Variants in TRIM33 observed in about 807,000 individuals in gnomAD.
The protein encoded by TRIM33 is tripartite motif containing 33.
Under a neutral mutation model 125.4 loss-of-function variants are expected in TRIM33, and 20 were observed. The ratio of observed to expected loss-of-function variants is 0.16; its 90% confidence interval spans 0.11 to 0.23. The LOEUF is 0.23. Ranked by LOEUF, TRIM33 falls within the 10% of genes least tolerant of loss-of-function variation. The pLI is 1.00. For synonymous variants in TRIM33, 564 were observed against 513.9 expected (o/e 1.10, Z -1.32); for missense variants, 920 against 1,411.4 (o/e 0.65, Z 5.58).
At chr1:114,404,626 A>G (rs1295415786) in intron 15 of TRIM33, 1 of 152,178 alleles carries the variant, frequency 6.6e-6, no homozygotes, top group East Asian at 1.9e-4. Flanking sequence ...GAAGGCCCTT[A>G]TTACATCTCT....
At chr1:114,455,624 G>T (rs1261786753) in intron 4 of TRIM33, among the ~76,000 whole-genome samples, 2 of 152,198 alleles carry the variant, frequency 1.3e-5, no homozygotes, top group African/African-American at 4.8e-5. Flanking sequence ...ACAGATGGTT[G>T]TTTTAAAATG....
chr1:114,407,234 T>A lies in TRIM33; in HGVS notation c.2259-134A>T. ...CTTTACAGAAGATAAGGATACCTCA[T>A]AATGTAGTTAAGGGGAATGTGGTAT... On this transcript the variant is annotated intron_variant, in intron 13 of 19. Transcript: ENST00000358465. The A allele has an allele frequency of 5.5e-6, 4 of 733,562 alleles. No homozygotes were observed. In the South Asian group the frequency reaches 8.4e-5, roughly 15 times the overall value. The allele number at this position is 733,562 out of a possible 1,614,324, so 45.4% of individuals were successfully genotyped here.
chr1:114,398,926 CAAAACAA>C (rs1237063856), intron 18 of TRIM33, among the ~76,000 whole-genome samples: 1 of 119,360 alleles, frequency 8.4e-6, no homozygotes, highest in Non-Finnish European at 1.8e-5. Flanking sequence ...CAAAACAAAA[CAAAACAA>C]AAAACAAAAA....
At chr1:114,412,272 T>C (rs1464937938) in intron 11 of TRIM33, among the ~76,000 whole-genome samples, 1 of 152,228 alleles carries the variant, frequency 6.6e-6, no homozygotes, top group Non-Finnish European at 1.5e-5. Flanking sequence ...GCCCAGTAAT[T>C]ACACTTCTAC....
chr1:114,473,443 C>T (rs1650778006), intron 1 of TRIM33, among the ~76,000 whole-genome samples: 1 of 152,032 alleles, frequency 6.6e-6, no homozygotes, highest in Non-Finnish European at 1.5e-5. Flanking sequence ...TTAGACCACA[C>T]AGGCTAAACT....
Position 114,430,842 on chromosome 1 carries a change from T to C in TRIM33, c.1111A>G (p.Asn371Asp). 6.2e-7 allele frequency: 1 copy of C among 1,609,890 alleles called. No individual in the cohort carries two copies. Among genetic ancestry groups the C allele is most frequent in the Non-Finnish European group, 8.5e-7 (1 of 1,176,354 alleles). Residue 371 changes from asparagine to aspartate, a missense_variant, in exon 6 of 20, where the codon AAT becomes GAT. By Grantham distance (23) the Asn-to-Asp change is conservative. Transcript: ENST00000358465. ...GATTTTCCTTTCTTATTAATTTCAT[T>C]GATAAGGGTGAAAATGGCCACTTTA... ...EIKVAIFTLI[N>D]EINKKGKSLL...
At chr1:114,414,577 C>CA (rs1652810394) in intron 11 of TRIM33, among the ~76,000 whole-genome samples, 1 of 152,200 alleles carries the variant, frequency 6.6e-6, no homozygotes, top group African/African-American at 2.4e-5. Context: ...CTTTAACAAT[C>CA]CACTAAGTTT....
chr1:114,426,523 A>T (rs6691089), intron 8 of TRIM33, among the ~76,000 whole-genome samples: 42,138 of 132,866 alleles, frequency 0.32, 6,242 homozygotes, highest in African/African-American at 0.42. Flanking sequence ...TTTTTTTTTT[A>T]AAAAAAAAGG....
intron 10 of TRIM33, 65 bp from the exon 11 acceptor site, chr1:114,421,701 T>C: frequency 6.7e-7 from 1 of 1,501,920 alleles, no homozygotes; most frequent in Non-Finnish European, 9.2e-7. Flanking sequence ...AACTATACCT[T>C]TATAATTTTT....
In TRIM33 at chr1:114,427,085, A is replaced by G. The variant is rs565888340; in HGVS notation, c.1420+92T>C. The G allele has an allele frequency of 6.9e-5, 42 of 607,432 alleles. 1 individual carries two copies. The East Asian group carries it at 8.0e-4, about 12-fold the overall frequency. 37.6% of individuals were successfully genotyped at this position (607,432 alleles called of 1,614,324 possible). A position where few individuals can be genotyped will look rare whatever the true frequency, so the allele number is the denominator to read the frequency against. On this transcript the variant is annotated intron_variant, in intron 8 of 19. Coordinates refer to ENST00000358465, the MANE Select transcript of TRIM33 (RefSeq NM_015906.4). ...ATAAAATGTAAAACATTAGTTTTAT[A>G]AAGTTAAAAATTTTATCTAAATTTG...
At chr1:114,481,464 G>A (rs759956177) in intron 1 of TRIM33, among the ~76,000 whole-genome samples, 7 of 151,566 alleles carry the variant, frequency 4.6e-5, no homozygotes, top group African/African-American at 9.7e-5. Flanking sequence ...GGTGGCACAC[G>A]CCTATAATCC....
At position 114,480,523 on chromosome 1, in the gene TRIM33, A is replaced by G. The variant is rs1299785932; in HGVS notation, c.527-16135T>C. Among the ~76,000 whole-genome samples, 10 of 31,408 alleles carry G rather than the reference A, an allele frequency of 3.2e-4. No homozygotes were observed. The East Asian group carries it at 5.7e-3, about 18-fold the overall frequency. The allele number at this position is 31,408 out of a possible 152,430, so 20.6% of individuals were successfully genotyped here. A position where few individuals can be genotyped will look rare whatever the true frequency, so the allele number is the denominator to read the frequency against. Reference sequence around the variant, plus strand: ...AGTGAAAAGGCCCTGCCCCGCCTTAAAAAAAAAAAAAAAGAGAGATATCAT... The same window carrying G: ...AGTGAAAAGGCCCTGCCCCGCCTTAGAAAAAAAAAAAAAGAGAGATATCAT... On this transcript the variant is annotated intron_variant, in intron 1 of 19. Coordinates refer to ENST00000358465, the MANE Select transcript of TRIM33 (RefSeq NM_015906.4).
At chr1:114,505,644 T>C (rs1192262116) in intron 1 of TRIM33, among the ~76,000 whole-genome samples, 4 of 152,236 alleles carry the variant, frequency 2.6e-5, no homozygotes, top group African/African-American at 4.8e-5. Context: ...CTCAGCTCAC[T>C]GCAACCTCCG....
intron 11 of TRIM33, 83 bp downstream of exon 11, chr1:114,421,353 A>C (rs911937157): frequency 9.1e-7 from 1 of 1,096,466 alleles, no homozygotes; most frequent in Non-Finnish European, 1.3e-6. Flanking sequence ...TCCTGAATTA[A>C]AAAAAAAAAA....
chr1:114,452,258 G>T (rs1175337060), intron 4 of TRIM33, among the ~76,000 whole-genome samples: 2 of 152,060 alleles, frequency 1.3e-5, no homozygotes, highest in Non-Finnish European at 2.9e-5. Context: ...TCGAGAGATT[G>T]AGACCATCCT....
chr1:114,414,185 T>G (rs1310370661), intron 11 of TRIM33, among the ~76,000 whole-genome samples: 1 of 152,136 alleles, frequency 6.6e-6, no homozygotes, highest in East Asian at 1.9e-4. Context: ...ACTATTTTTG[T>G]TTTTTTCCTT....
chr1:114,417,215 G>GA (rs1652989170), intron 11 of TRIM33, among the ~76,000 whole-genome samples: 1 of 152,116 alleles, frequency 6.6e-6, no homozygotes, highest in African/African-American at 2.4e-5. Flanking sequence ...GGATATGAGT[G>GA]ACTGCTAATG....
At chr1:114,418,500 G>A (rs1309753078) in intron 11 of TRIM33, among the ~76,000 whole-genome samples, 1 of 152,030 alleles carries the variant, frequency 6.6e-6, no homozygotes, top group East Asian at 1.9e-4. Flanking sequence ...TTTAGTTTAT[G>A]GTTTACATAA....
chr1:114,405,546 C>T lies in TRIM33; in HGVS notation c.2632G>A (p.Gly878Ser). Residue 878 changes from glycine (G) to serine (S), a missense_variant, in exon 15 of 20, where the codon GGC becomes AGC. Coordinates refer to ENST00000358465, the MANE Select transcript of TRIM33 (RefSeq NM_015906.4). ...TTTGGGTCATCATCTTTATTGTTGC[C>T]ATCTCCTCCAATCCTTGCCGACCTG... Reference protein sequence around the residue: ...MHRSARIGGDGNNKDDDPNED... With the variant: ...MHRSARIGGDSNNKDDDPNED... The T allele has an allele frequency of 6.2e-7, 1 of 1,614,204 alleles. No individual in the cohort carries two copies. The highest frequency in any genetic ancestry group is 2.2e-5 in the East Asian group (1 of 44,884).
Sources: allele counts gnomAD v4.1 joint callset (sites outside exome capture counted in the v4.1 genomes callset), GRCh38; gene constraint gnomAD v4.1.1; transcripts MANE v1.5; gene names NCBI Gene and HGNC (gene_info 2026-07-23, HGNC 2026-07-21).